The following ZNF565 variants were observed in gnomAD, a reference collection of about 807,000 sequenced individuals.
ZNF565 encodes zinc finger protein 565.
ZNF565 carries 27 observed loss-of-function variants against 39.4 expected under a neutral mutation model. The ratio of observed to expected loss-of-function variants is 0.69; its 90% CI spans 0.51 to 0.95. ZNF565 has a LOEUF of 0.95. Among genes scored for constraint, ZNF565 ranks in the 40% least tolerant of loss-of-function variants. ZNF565 has a pLI of 0.00. For missense variants in ZNF565, 524 were observed against 621.1 expected, an observed-to-expected ratio of 0.84 and a Z score of 1.66; for synonymous variants, 185 against 216.6, an observed-to-expected ratio of 0.85 and a Z score of 1.28.
intron 2 of ZNF565, among the ~76,000 whole-genome samples, chr19:36,200,469 C>T (rs1319634476): frequency 6.6e-6 from 1 of 151,622 alleles, no homozygotes; most frequent in East Asian, 1.9e-4. Flanking sequence ...TCTTTAATGA[C>T]TGGCCAACTA....
intron 4 of ZNF565, among the ~76,000 whole-genome samples, chr19:36,194,021 G>A (rs892266685): frequency 7.2e-5 from 11 of 152,130 alleles, no homozygotes; most frequent in African/African-American, 1.9e-4. Flanking sequence ...AAAGGAAAAT[G>A]TGAGAGAACA....
intron 1 of ZNF565, chr19:36,203,468 T>G (rs1385037601): frequency 6.6e-6 from 1 of 152,254 alleles, no homozygotes; most frequent in Non-Finnish European, 1.5e-5. Flanking sequence ...CTACTGCTTT[T>G]CTGCAGAACA....
At chr19:36,213,968 C>T (rs1976477384) in intron 1 of ZNF565, among the ~76,000 whole-genome samples, 3 of 152,048 alleles carry the variant, frequency 2.0e-5, no homozygotes, top group African/African-American at 7.2e-5. Context: ...CACACACCAA[C>T]ACCCACAAAT....
At chr19:36,199,903 C>T (rs1452017707) in intron 2 of ZNF565, among the ~76,000 whole-genome samples, 4 of 152,264 alleles carry the variant, frequency 2.6e-5, no homozygotes, top group African/African-American at 7.2e-5. Context: ...TCAAGCGATC[C>T]TCCTACCTCA....
chr19:36,227,355 C>G (rs573507770), intron 1 of ZNF565, among the ~76,000 whole-genome samples: 1 of 149,834 alleles, frequency 6.7e-6, no homozygotes, highest in Non-Finnish European at 1.5e-5. Flanking sequence ...CGTCACTGCA[C>G]TCCCAGCCTG....
chr19:36,216,824 T>A (rs373927834), upstream of ZNF565, among the ~76,000 whole-genome samples: 2 of 151,500 alleles, frequency 1.3e-5, no homozygotes, highest in East Asian at 2.0e-4. Context: ...CAACACATTT[T>A]AAATATAAAG....
intron 2 of ZNF565, among the ~76,000 whole-genome samples, chr19:36,198,605 AT>A (rs199795939): frequency 4.3e-4 from 63 of 147,186 alleles, no homozygotes; most frequent in African/African-American, 3.7e-4. Context: ...TTAATTGTAC[AT>A]TTTTTTTTTT....
intron 1 of ZNF565, among the ~76,000 whole-genome samples, chr19:36,240,623 C>T (rs931987805): frequency 6.6e-6 from 1 of 152,146 alleles, no homozygotes; most frequent in East Asian, 1.9e-4. Context: ...AATCTCAGCA[C>T]TCTGGGAGGC....
At chr19:36,228,805 GA>G (rs759178878) in intron 1 of ZNF565, 1 of 152,270 alleles carries the variant, frequency 6.6e-6, no homozygotes, top group Non-Finnish European at 1.5e-5. Context: ...AAAGAAGTGG[GA>G]AGGATCTGCG....
In ZNF565 at chr19:36,199,589, T is replaced by C. The variant is rs1005003968; in HGVS notation, c.9+2388A>G. Among the ~76,000 whole-genome samples, 4 of 149,054 alleles carry C rather than the reference T, an allele frequency of 2.7e-5. No homozygotes were observed. The East Asian group carries it at 8.0e-4, about 30-fold the overall frequency. ...GTGGCATGATCTCGGCTCACTGCAC[T>C]TCTGCCTCCCAGGCTCAAGAGATTC... On this transcript the variant is annotated intron_variant, in intron 2 of 4. Coordinates refer to ENST00000304116, the MANE Select transcript of ZNF565 (RefSeq NM_152477.5).
rs868399732 is a variant in ZNF565, at chr19:36,202,415, A to C, written c.-65-365T>G. Reference sequence around the variant, plus strand: ...ACAACAACAACAACAACAAAAAAAAACTGCAGAGTTAAGAAAACCCAGTCC... The same window carrying C: ...ACAACAACAACAACAACAAAAAAAACCTGCAGAGTTAAGAAAACCCAGTCC... On this transcript the variant is annotated intron_variant, in intron 1 of 4. Coordinates refer to ENST00000304116, the MANE Select transcript of ZNF565 (RefSeq NM_152477.5). Among the ~76,000 whole-genome samples, 246 of 148,916 alleles carry C rather than the reference A, an allele frequency of 1.7e-3. 3 individuals are homozygous for C. Among genetic ancestry groups the C allele is most frequent in the African/African-American group, 5.8e-3 (236 of 40,454 alleles).
chr19:36,220,855 C>CT (rs61343359), intron 1 of ZNF565, among the ~76,000 whole-genome samples: 8,980 of 142,210 alleles, frequency 0.063, 898 homozygotes, highest in African/African-American at 0.22. Context: ...TAAAATGCAT[C>CT]TTTTTTTTTT....
intron 1 of ZNF565, among the ~76,000 whole-genome samples, chr19:36,206,481 A>G (rs1417111223): frequency 6.6e-6 from 1 of 151,734 alleles, no homozygotes; most frequent in East Asian, 1.9e-4. Context: ...AAAAAAGATG[A>G]GATGTGAGTA....
At chr19:36,189,919 C>T (rs913130637) in intron 4 of ZNF565, among the ~76,000 whole-genome samples, 4 of 151,892 alleles carry the variant, frequency 2.6e-5, no homozygotes, top group South Asian at 2.1e-4. Context: ...TTGCAACCTC[C>T]GCCTCCCGGG....
intron 1 of ZNF565, among the ~76,000 whole-genome samples, chr19:36,227,031 C>T (rs530570247): frequency 9.9e-4 from 147 of 148,056 alleles, no homozygotes; most frequent in African/African-American, 3.4e-3. Context: ...TGCAGTGAGC[C>T]GAGATCGCAC....
At position 36,195,174 on chromosome 19, in the gene ZNF565, C is replaced by T. The variant is rs142318060; in HGVS notation, c.10-18G>A. ...ACCAGTCCCTGAAACAATAAACCCA[C>T]GCATTAGTGTACATTAAGAAACTTT... On this transcript the variant is annotated intron_variant, in intron 2 of 4. Coordinates refer to ENST00000304116, the MANE Select transcript of ZNF565 (RefSeq NM_152477.5). 4.8e-4 allele frequency: 774 copies of T among 1,608,442 alleles called. 11 individuals are homozygous for T. The East Asian group carries it at 0.016, about 33-fold the overall frequency.
rs1976120488 is a variant in ZNF565 at position 36,205,518 on chromosome 19, ACT to A, written c.-65-3470_-65-3469del. The stretch of plus-strand genomic sequence containing the variant: ...ACTCCAGCCTGGGGAACAGAGTGAG[ACT>A]CTCTCTCCAAAACAAAAAAGAAAGA... On this transcript the variant is annotated intron_variant, in intron 1 of 4. Coordinates refer to ENST00000304116, the MANE Select transcript of ZNF565 (RefSeq NM_152477.5). 2.0e-5 allele frequency among the ~76,000 whole-genome samples: 3 copies of A among 152,078 alleles called. No homozygotes were observed. The South Asian group carries it at 6.2e-4, about 32-fold the overall frequency.
chr19:36,237,079 A>C, intron 1 of ZNF565: 1 of 1,614,178 alleles, frequency 6.2e-7, no homozygotes, highest in South Asian at 1.1e-5. Context: ...AACCTTACGA[A>C]TGCAATGTTT....
chr19:36,212,168 A>C (rs148098486), intron 1 of ZNF565, among the ~76,000 whole-genome samples: 1,910 of 152,314 alleles, frequency 0.013, 27 homozygotes, highest in Non-Finnish European at 0.018. Flanking sequence ...CAAAGGCAGA[A>C]TCTGAATTTA....
Sources: gnomAD v4.1 joint callset for allele counts (sites outside exome capture counted in the v4.1 genomes callset) on GRCh38, gnomAD v4.1.1 for gene constraint, MANE v1.5 for transcripts, NCBI Gene and HGNC (gene_info 2026-07-23, HGNC 2026-07-21) for gene names.